The following DNM3 variants were observed in gnomAD, a reference collection of about 807,000 sequenced individuals.
DNM3 encodes dynamin-3.
In DNM3, 47 loss-of-function variants were observed where a neutral mutation model predicts 101.6. The ratio of observed to expected loss-of-function variants is 0.46; its 90% CI spans 0.37 to 0.59. DNM3 has a LOEUF of 0.59. Ranked by LOEUF, DNM3 falls within the 20% of genes least tolerant of loss-of-function variation. DNM3 has a pLI of 0.00. For missense variants in DNM3, 849 were observed against 1,085.7 expected (o/e 0.78, Z 3.06); for synonymous variants, 385 against 387.9 (o/e 0.99, Z 0.09).
chr1:172,188,918 C>T (rs952811636), intron 14 of DNM3, among the ~76,000 whole-genome samples: 2 of 151,884 alleles, frequency 1.3e-5, no homozygotes, highest in African/African-American at 4.8e-5. Context: ...GATGTTATAC[C>T]TTAAAACTCT....
intron 14 of DNM3, among the ~76,000 whole-genome samples, chr1:172,143,217 A>G (rs1367090801): frequency 6.6e-6 from 1 of 152,186 alleles, no homozygotes; most frequent in Non-Finnish European, 1.5e-5. Context: ...TGCAAAATGT[A>G]TAACTTAGAA....
At chr1:172,275,441 T>C (rs1013312349) in intron 15 of DNM3, among the ~76,000 whole-genome samples, 2 of 152,068 alleles carry the variant, frequency 1.3e-5, no homozygotes, top group Non-Finnish European at 1.5e-5. Flanking sequence ...TGTCTGCTTC[T>C]TTATAGTGCC....
intron 14 of DNM3, among the ~76,000 whole-genome samples, chr1:172,169,254 AGT>A (rs1165812235): frequency 6.6e-6 from 1 of 151,896 alleles, no homozygotes; most frequent in African/African-American, 2.4e-5. Flanking sequence ...GAATGAGCTG[AGT>A]TTGGGTACTC....
intron 1 of DNM3, among the ~76,000 whole-genome samples, chr1:171,849,999 C>T (rs1276093754): frequency 6.6e-6 from 1 of 152,114 alleles, no homozygotes; most frequent in Non-Finnish European, 1.5e-5. Flanking sequence ...ATAAAGTAAA[C>T]CATTCTTAGC....
At chr1:172,371,394 G>A (rs1404715581) in intron 17 of DNM3, among the ~76,000 whole-genome samples, 1 of 151,910 alleles carries the variant, frequency 6.6e-6, no homozygotes, top group Non-Finnish European at 1.5e-5. Context: ...CTGTCTGCAA[G>A]GAACCTTCTG....
chr1:172,233,644 A>C (rs1489941458), intron 14 of DNM3, among the ~76,000 whole-genome samples: 1 of 152,206 alleles, frequency 6.6e-6, no homozygotes, highest in Non-Finnish European at 1.5e-5. Flanking sequence ...ATCCTCAATA[A>C]AATACTGGCA....
At chr1:172,393,980 T>G (rs747638923) in intron 20 of DNM3, 6 of 152,228 alleles carry the variant, frequency 3.9e-5, no homozygotes, top group Non-Finnish European at 5.9e-5. Context: ...AAATAGAATT[T>G]TGGCCACATG....
intron 2 of DNM3, among the ~76,000 whole-genome samples, chr1:171,947,196 G>T (rs1369182253): frequency 6.6e-6 from 1 of 152,146 alleles, no homozygotes. Flanking sequence ...TCCTTTAATG[G>T]CAGCATGGTG....
chr1:172,248,163 T>C (rs1573125256), intron 14 of DNM3, among the ~76,000 whole-genome samples: 2 of 152,260 alleles, frequency 1.3e-5, no homozygotes, highest in South Asian at 2.1e-4. Flanking sequence ...ATCAGAGATA[T>C]TGGTTTAGGT....
intron 14 of DNM3, among the ~76,000 whole-genome samples, chr1:172,134,183 T>C (rs994378034): frequency 2.6e-5 from 4 of 152,048 alleles, no homozygotes; most frequent in Non-Finnish European, 5.9e-5. Flanking sequence ...AAGTTCAAGG[T>C]AGCAAAATTA....
intron 15 of DNM3, among the ~76,000 whole-genome samples, chr1:172,300,459 TG>T (rs1197301600): frequency 6.6e-6 from 1 of 152,196 alleles, no homozygotes; most frequent in Non-Finnish European, 1.5e-5. Flanking sequence ...CATAAATTCT[TG>T]CCAAGACCAA....
intron 10 of DNM3, among the ~76,000 whole-genome samples, chr1:172,051,562 G>C (rs898627275): frequency 6.6e-6 from 1 of 152,154 alleles, no homozygotes; most frequent in Non-Finnish European, 1.5e-5. Flanking sequence ...AAACCTTAAA[G>C]GGCCTGCAGA....
intron 1 of DNM3, among the ~76,000 whole-genome samples, chr1:171,883,404 CA>C (rs780489030): frequency 0.11 from 13,402 of 126,762 alleles, 773 homozygotes; most frequent in Middle Eastern, 0.13. Context: ...CACACACACA[CA>C]CACACACACC....
chr1:172,212,633 G>A (rs928639657), intron 14 of DNM3, among the ~76,000 whole-genome samples: 4 of 152,076 alleles, frequency 2.6e-5, no homozygotes, highest in East Asian at 3.9e-4. Context: ...CAAACCTTTC[G>A]CTTTGTATTG....
chr1:172,008,132 A>G (rs1489997552), intron 4 of DNM3, among the ~76,000 whole-genome samples: 2 of 149,882 alleles, frequency 1.3e-5, no homozygotes, highest in South Asian at 2.1e-4. Flanking sequence ...CAGTTTGCAA[A>G]TTTTTTTTTT....
intron 4 of DNM3, among the ~76,000 whole-genome samples, chr1:172,003,957 G>T (rs1371190424): frequency 2.0e-5 from 3 of 152,022 alleles, no homozygotes; most frequent in Non-Finnish European, 4.4e-5. Context: ...AAGCTTAGTG[G>T]TTGTGTAATT....
At chr1:171,915,078 C>T (rs2039611301) in intron 1 of DNM3, among the ~76,000 whole-genome samples, 1 of 152,192 alleles carries the variant, frequency 6.6e-6, no homozygotes, top group Non-Finnish European at 1.5e-5. Flanking sequence ...GCTTTGTTTA[C>T]TGTTATATCT....
At chr1:172,077,240 A>G (rs1321238927) in intron 11 of DNM3, among the ~76,000 whole-genome samples, 1 of 151,144 alleles carries the variant, frequency 6.6e-6, no homozygotes, top group African/African-American at 2.4e-5. Flanking sequence ...CAGTCTATCT[A>G]TTTTGTTAAT....
At chr1:172,215,826 C>G (rs2060675169) in intron 14 of DNM3, among the ~76,000 whole-genome samples, 1 of 151,870 alleles carries the variant, frequency 6.6e-6, no homozygotes, top group Non-Finnish European at 1.5e-5. Context: ...CTGTGTGAAT[C>G]TTTAGGCCAT....
Sources: gnomAD v4.1 joint callset for allele counts (sites outside exome capture counted in the v4.1 genomes callset) on GRCh38, gnomAD v4.1.1 for gene constraint, MANE v1.5 for transcripts, NCBI Gene and HGNC (gene_info 2026-07-23, HGNC 2026-07-21) for gene names.